The following ETV6 variants were observed in gnomAD, a reference collection of about 807,000 sequenced individuals.
ETV6 encodes the protein ETS variant transcription factor 6.
In ETV6, 16 loss-of-function variants were observed where a neutral mutation model predicts 51.1. The observed-to-expected ratio is 0.31, with a 90% CI of 0.21 to 0.48. The LOEUF (loss-of-function observed/expected upper bound fraction) is 0.48, where lower values mean the gene tolerates loss of function less well. ETV6 is among the 20% of genes least tolerant of loss of function. The probability of loss-of-function intolerance (pLI) is 0.99; values close to 1 mark genes in which losing one functional copy is unlikely to be tolerated. For missense variants in ETV6, 458 were observed against 594.8 expected (o/e 0.77, Z 2.39); for synonymous variants, 240 against 224.1 (o/e 1.07, Z -0.64).
At chr12:11,678,005 G>C (rs1053549522) in intron 1 of ETV6, among the ~76,000 whole-genome samples, 1 of 152,194 alleles carries the variant, frequency 6.6e-6, no homozygotes, top group African/African-American at 2.4e-5. Context: ...TCCTGCACTT[G>C]TGCCAAACCC....
At chr12:11,655,531 A>G (rs990475377) in intron 1 of ETV6, among the ~76,000 whole-genome samples, 2 of 152,236 alleles carry the variant, frequency 1.3e-5, no homozygotes, top group African/African-American at 2.4e-5. Context: ...ACAGGAACCA[A>G]ACTAATAAAG....
chr12:11,724,004 C>T (rs1313500720), intron 1 of ETV6, among the ~76,000 whole-genome samples: 2 of 151,972 alleles, frequency 1.3e-5, no homozygotes, highest in African/African-American at 2.4e-5. Flanking sequence ...TTCTCTGACC[C>T]GTGCAGTGGT....
chr12:11,885,609 G>A (rs1009962240), intron 6 of ETV6, among the ~76,000 whole-genome samples: 10 of 152,184 alleles, frequency 6.6e-5, no homozygotes, highest in Admixed American at 2.0e-4. Flanking sequence ...TTCCTCAGGC[G>A]GAGCAGAGAG....
At chr12:11,720,913 A>C (rs1005342858) in intron 1 of ETV6, among the ~76,000 whole-genome samples, 1 of 152,246 alleles carries the variant, frequency 6.6e-6, no homozygotes, top group Non-Finnish European at 1.5e-5. Flanking sequence ...GGCAAAGGGC[A>C]TGAACAGACA....
chr12:11,749,016 T>C (rs1412802997), intron 1 of ETV6, among the ~76,000 whole-genome samples: 2 of 152,192 alleles, frequency 1.3e-5, no homozygotes, highest in African/African-American at 4.8e-5. Flanking sequence ...TCATAGGTAT[T>C]ACAATTGGCC....
At chr12:11,782,582 G>A (rs767968305) in intron 2 of ETV6, among the ~76,000 whole-genome samples, 1 of 152,132 alleles carries the variant, frequency 6.6e-6, no homozygotes, top group Non-Finnish European at 1.5e-5. Flanking sequence ...TGGCTTTGTA[G>A]GATGTTCACT....
At chr12:11,857,119 G>C (rs569911333) in intron 4 of ETV6, among the ~76,000 whole-genome samples, 5 of 152,228 alleles carry the variant, frequency 3.3e-5, no homozygotes, top group East Asian at 1.9e-4. Flanking sequence ...ATTTCACCTC[G>C]TCGTGGCCAC....
chr12:11,808,227 G>C (rs1413947399), intron 2 of ETV6, among the ~76,000 whole-genome samples: 1 of 152,170 alleles, frequency 6.6e-6, no homozygotes, highest in African/African-American at 2.4e-5. Flanking sequence ...CCCATAAGCT[G>C]TTGTTGTCAT....
chr12:11,781,222 G>T (rs542679634), intron 2 of ETV6, among the ~76,000 whole-genome samples: 1 of 152,318 alleles, frequency 6.6e-6, no homozygotes, highest in South Asian at 2.1e-4. Flanking sequence ...CCTCAGAGAT[G>T]ATATATTTCA....
intron 2 of ETV6, among the ~76,000 whole-genome samples, chr12:11,809,812 CTTTTTTT>C (rs927002978): frequency 9.8e-5 from 8 of 81,764 alleles, no homozygotes; most frequent in East Asian, 3.9e-4. Context: ...AGAGCTTCTG[CTTTTTTT>C]TTTTTTTTTT....
intron 1 of ETV6, among the ~76,000 whole-genome samples, chr12:11,698,862 C>T (rs1357964555): frequency 6.6e-6 from 1 of 152,130 alleles, no homozygotes; most frequent in Non-Finnish European, 1.5e-5. Flanking sequence ...TAGCACAACC[C>T]TCTGAGTTAG....
chr12:11,881,726 C>T (rs1340791011), intron 5 of ETV6, among the ~76,000 whole-genome samples: 1 of 152,210 alleles, frequency 6.6e-6, no homozygotes, highest in East Asian at 1.9e-4. Flanking sequence ...CAGACCACAG[C>T]AGATCTCTAT....
At chr12:11,813,678 A>T (rs1441805756) in intron 2 of ETV6, among the ~76,000 whole-genome samples, 1 of 148,070 alleles carries the variant, frequency 6.8e-6, no homozygotes. Flanking sequence ...CTATAAATCC[A>T]GCCCAAATTC....
intron 5 of ETV6, among the ~76,000 whole-genome samples, chr12:11,872,714 T>C (rs1323482151): frequency 8.5e-5 from 13 of 152,198 alleles, no homozygotes; most frequent in Non-Finnish European, 2.9e-5. Context: ...CAGGCTGGTC[T>C]TGAACTCCTG....
chr12:11,809,812 CTTTTTTTTTTTTTTTT>C (rs927002978), intron 2 of ETV6, among the ~76,000 whole-genome samples: 19 of 81,798 alleles, frequency 2.3e-4, no homozygotes, highest in African/African-American at 1.0e-3. Flanking sequence ...AGAGCTTCTG[CTTTTTTTTTTTTTTTT>C]TTTTTTTTTT....
chr12:11,878,904 ACT>A lies in ETV6; in HGVS notation c.1010-5537_1010-5536del, dbSNP rs756357163. Among the ~76,000 whole-genome samples the A allele has an allele frequency of 2.0e-5, 3 of 150,748 alleles. No individual in the cohort carries two copies. The South Asian group carries it at 6.3e-4, about 32-fold the overall frequency. ...GTTTCTCTAAGCAGGGTTTCTCAAC[ACT>A]CTCGATATTTGGGCCAAATAATAAT... On this transcript the variant is annotated intron_variant, in intron 5 of 7. Transcript: ENST00000396373.
chr12:11,787,512 T>C (rs78155791), intron 2 of ETV6, among the ~76,000 whole-genome samples: 1,583 of 152,320 alleles, frequency 0.01, 30 homozygotes, highest in African/African-American at 0.035. Context: ...CTAAAATATT[T>C]TAAATTCCAT....
chr12:11,840,625 C>T (rs903848170), intron 3 of ETV6: 4 of 405,766 alleles, frequency 9.9e-6, no homozygotes, highest in African/African-American at 6.2e-5. Flanking sequence ...AGATAAAGCC[C>T]CAGCACCCGT....
intron 1 of ETV6, among the ~76,000 whole-genome samples, chr12:11,750,580 C>T (rs1472697133): frequency 6.6e-6 from 1 of 152,146 alleles, no homozygotes; most frequent in Non-Finnish European, 1.5e-5. Context: ...AGTTTCACTT[C>T]TGCAAAAACC....
Sources: gnomAD v4.1 joint callset for allele counts (sites outside exome capture counted in the v4.1 genomes callset) on GRCh38, gnomAD v4.1.1 for gene constraint, MANE v1.5 for transcripts, NCBI Gene and HGNC (gene_info 2026-07-23, HGNC 2026-07-21) for gene names.